RNF152: variants seen among roughly 807,000 people sequenced by gnomAD.
RNF152 encodes E3 ubiquitin-protein ligase RNF152.
Under a neutral mutation model 12.7 loss-of-function variants are expected in RNF152, and 11 were observed. That is an observed-to-expected ratio of 0.86 (90% CI 0.54 to 1.43). The LOEUF is 1.43. RNF152 is among the 40% of genes most tolerant of loss of function. The pLI is 0.00. For synonymous variants in RNF152, 113 were observed against 120.3 expected (o/e 0.94, Z 0.40); for missense variants, 255 against 274.8 (o/e 0.93, Z 0.51).
intron 1 of RNF152, among the ~76,000 whole-genome samples, chr18:61,882,079 T>G (rs541667294): frequency 6.6e-6 from 1 of 152,368 alleles, no homozygotes; most frequent in Admixed American, 6.5e-5. Flanking sequence ...AGAAACTTTT[T>G]GAGTGCAAAC....
intron 1 of RNF152, among the ~76,000 whole-genome samples, chr18:61,863,874 GT>G: frequency 6.6e-6 from 1 of 152,218 alleles, no homozygotes; most frequent in East Asian, 1.9e-4. Flanking sequence ...GACTGAAAGG[GT>G]TAAGCTGAAC....
rs1164910159 is a variant in RNF152, at chr18:61,810,406, G to A, written c.*5446C>T. ...CATGCCTGTAATCCCAGCACTTTGG[G>A]AGGCCGAGGCGGGTGGATCGCCTGA... On this transcript the variant is annotated 3_prime_UTR_variant, in exon 2 of 2. Transcript: ENST00000312828. 2 of 152,350 alleles carry A rather than the reference G, an allele frequency of 1.3e-5. No individual in the cohort carries two copies. The highest frequency in any genetic ancestry group is 3.9e-4 in the East Asian group (2 of 5,188). The allele number at this position is 152,350 out of a possible 1,614,324, so 9.4% of individuals were successfully genotyped here.
intron 1 of RNF152, among the ~76,000 whole-genome samples, chr18:61,820,595 G>A (rs1006166811): frequency 6.6e-6 from 1 of 151,540 alleles, no homozygotes; most frequent in Non-Finnish European, 1.5e-5. Context: ...ATTGAGGCAG[G>A]GTACAAAATT....
At chr18:61,823,917 G>A (rs1484821301) in intron 1 of RNF152, among the ~76,000 whole-genome samples, 2 of 152,214 alleles carry the variant, frequency 1.3e-5, no homozygotes, top group Non-Finnish European at 2.9e-5. Context: ...AGGGGACTCT[G>A]CTAGGGCATG....
intron 1 of RNF152, among the ~76,000 whole-genome samples, chr18:61,823,161 G>A (rs1909497327): frequency 6.6e-6 from 1 of 152,242 alleles, no homozygotes; most frequent in African/African-American, 2.4e-5. Context: ...TTGTTTTAAT[G>A]GAGCAGGACT....
At chr18:61,875,900 T>A (rs774798163) in intron 1 of RNF152, among the ~76,000 whole-genome samples, 1 of 151,486 alleles carries the variant, frequency 6.6e-6, no homozygotes, top group Non-Finnish European at 1.5e-5. Context: ...CCAATCCATA[T>A]TGATGACTGC....
chr18:61,859,213 T>C (rs1242458832), intron 1 of RNF152, among the ~76,000 whole-genome samples: 5 of 152,136 alleles, frequency 3.3e-5, no homozygotes, highest in Non-Finnish European at 7.3e-5. Context: ...AAACCAATTG[T>C]TTCAAATAAA....
In RNF152 at chr18:61,811,266, A is replaced by G. The variant is rs1007319990; in HGVS notation, c.*4586T>C. ...ATGGGAACTCTTAAAATCAAAATCTAGACTGGAATAAATACCAGATTATCA... is the reference window on the plus strand; with the variant it reads ...ATGGGAACTCTTAAAATCAAAATCTGGACTGGAATAAATACCAGATTATCA... On this transcript the variant is annotated 3_prime_UTR_variant, in exon 2 of 2. Transcript: ENST00000312828. 16 of 152,238 alleles carry G rather than the reference A, an allele frequency of 1.1e-4. No homozygotes were observed. Among genetic ancestry groups the G allele is most frequent in the African/African-American group, 3.9e-4 (16 of 41,458 alleles). 9.4% of individuals were successfully genotyped at this position (152,238 alleles called of 1,614,324 possible).
chr18:61,854,704 CCT>C (rs1030683044), intron 1 of RNF152, among the ~76,000 whole-genome samples: 51 of 152,158 alleles, frequency 3.4e-4, no homozygotes, highest in African/African-American at 1.1e-3. Flanking sequence ...CCTGGAATTT[CCT>C]CTCTCTCTCC....
intron 1 of RNF152, among the ~76,000 whole-genome samples, chr18:61,879,762 G>C (rs1390226504): frequency 6.6e-6 from 1 of 151,940 alleles, no homozygotes; most frequent in Admixed American, 6.6e-5. Flanking sequence ...TCAGGAGTTC[G>C]AGACCAGCCT....
At chr18:61,830,587 G>A (rs11876719) in intron 1 of RNF152, among the ~76,000 whole-genome samples, 40,828 of 152,092 alleles carry the variant, frequency 0.27, 6,232 homozygotes, top group Non-Finnish European at 0.35. Context: ...TCTTATGGCT[G>A]AGTAATATTC....
intron 1 of RNF152, among the ~76,000 whole-genome samples, chr18:61,857,694 TAA>T (rs1911286104): frequency 6.6e-6 from 1 of 151,848 alleles, no homozygotes; most frequent in African/African-American, 2.4e-5. Context: ...CACCAGTCAT[TAA>T]ACAAACAAAC....
chr18:61,860,763 A>G (rs1316068608), intron 1 of RNF152, among the ~76,000 whole-genome samples: 1 of 152,226 alleles, frequency 6.6e-6, no homozygotes, highest in African/African-American at 2.4e-5. Flanking sequence ...GTCACAGGAA[A>G]TAACAGCTCC....
At chr18:61,835,914 C>T (rs972594523) in intron 1 of RNF152, among the ~76,000 whole-genome samples, 4 of 152,182 alleles carry the variant, frequency 2.6e-5, no homozygotes, top group African/African-American at 9.7e-5. Flanking sequence ...AAGGCCAAGG[C>T]TTTCTCACTG....
At chr18:61,820,670 C>A in intron 1 of RNF152, among the ~76,000 whole-genome samples, 1 of 152,100 alleles carries the variant, frequency 6.6e-6, no homozygotes, top group South Asian at 2.1e-4. Context: ...CCCTCAATTG[C>A]AAATGAGGCT....
chr18:61,875,273 T>A (rs1364818045), intron 1 of RNF152, among the ~76,000 whole-genome samples: 1 of 152,238 alleles, frequency 6.6e-6, no homozygotes. Flanking sequence ...GGGTCCTATA[T>A]GGAACAGTCC....
chr18:61,894,301 C>T (rs1913119209), upstream of RNF152: 1 of 150,800 alleles, frequency 6.6e-6, no homozygotes, highest in Non-Finnish European at 1.5e-5. This position sits in a 1 kb window ranked among gnomAD's most constrained non-coding sequence, Gnocchi z 4.9. Context: ...ACGGGGCGGA[C>T]GCTGACAGCG....
intron 1 of RNF152, among the ~76,000 whole-genome samples, chr18:61,838,517 A>G (rs1281648614): frequency 6.6e-6 from 1 of 152,190 alleles, no homozygotes; most frequent in Admixed American, 6.5e-5. Context: ...AATGAAATGG[A>G]CCTCAGTGTG....
chr18:61,889,093 T>C (rs1372126683), intron 1 of RNF152, among the ~76,000 whole-genome samples: 1 of 152,182 alleles, frequency 6.6e-6, no homozygotes, highest in East Asian at 1.9e-4. Context: ...GGTCTATATC[T>C]GGTTCTTCCT....
Sources: allele counts gnomAD v4.1 joint callset (sites outside exome capture counted in the v4.1 genomes callset), GRCh38; gene constraint gnomAD v4.1.1; non-coding constraint Gnocchi (gnomAD v3.1); transcripts MANE v1.5; gene names NCBI Gene and HGNC (gene_info 2026-07-23, HGNC 2026-07-21).